Variants in IGF2R observed in about 807,000 individuals in gnomAD.
IGF2R encodes the protein insulin like growth factor 2 receptor.
Under a neutral mutation model 270.6 loss-of-function variants are expected in IGF2R, and 91 were observed. That is an observed-to-expected ratio of 0.34 (90% CI 0.28 to 0.40). The LOEUF (loss-of-function observed/expected upper bound fraction) is 0.40. Ranked by LOEUF, IGF2R falls within the 10% of genes least tolerant of loss-of-function variation. The pLI is 1.00. For synonymous variants in IGF2R, 1,316 were observed against 1,258.9 expected (o/e 1.05, Z -0.96); for missense variants, 2,805 against 3,188.3 (o/e 0.88, Z 2.90).
In IGF2R at chr6:160,038,912, G is replaced by A. The variant is rs556780035; in HGVS notation, c.1316-1648G>A. Among the ~76,000 whole-genome samples the A allele has an allele frequency of 5.3e-5, 8 of 152,332 alleles. No individual in the cohort carries two copies. In the South Asian group the frequency reaches 1.7e-3, roughly 32 times the overall value. ...TTGCCTTGTGGTTATGAGCACGGATGAGGGCAGACCCTCAGGGTCTGATTC... is the reference window on the plus strand; with the variant it reads ...TTGCCTTGTGGTTATGAGCACGGATAAGGGCAGACCCTCAGGGTCTGATTC... On this transcript the variant is annotated intron_variant, in intron 10 of 47. Coordinates refer to ENST00000356956, the MANE Select transcript of IGF2R (RefSeq NM_000876.4).
At chr6:160,043,888 T>C (rs769812082) in intron 12 of IGF2R, among the ~76,000 whole-genome samples, 2 of 152,234 alleles carry the variant, frequency 1.3e-5, no homozygotes, top group African/African-American at 4.8e-5. Flanking sequence ...GTGAGCCTCG[T>C]TGGATTTTAG....
intron 28 of IGF2R, 92 bp downstream of exon 28, chr6:160,064,623 C>A: frequency 7.1e-7 from 1 of 1,407,666 alleles, no homozygotes; most frequent in Non-Finnish European, 9.9e-7. Flanking sequence ...CAGATCTCAT[C>A]AAATCTCCTG....
intron 29 of IGF2R, among the ~76,000 whole-genome samples, chr6:160,065,776 A>ATGTGTGTGTGTG (rs1366588708): frequency 9.1e-5 from 10 of 109,994 alleles, no homozygotes; most frequent in South Asian, 6.9e-4. Flanking sequence ...TCCTAGAGAT[A>ATGTGTGTGTGTG]TGTGTATGTG....
rs545357412 is a variant in IGF2R, at chr6:160,018,528, A to G, written c.514-6044A>G. Among the ~76,000 whole-genome samples the G allele has an allele frequency of 1.8e-4, 27 of 152,318 alleles. 1 individual carries two copies. Among genetic ancestry groups the G allele is most frequent in the Middle Eastern group, 3.4e-3 (1 of 294 alleles). ...CAGCCGCAGAACATATATTCTTCTC[A>G]TCAGTGCATGGAACGTTTTTCGAGA... On this transcript the variant is annotated intron_variant, in intron 4 of 47. Transcript: ENST00000356956.
chr6:159,975,742 TTA>T (rs201752009), intron 1 of IGF2R, among the ~76,000 whole-genome samples: 3,466 of 147,130 alleles, frequency 0.024, 123 homozygotes, highest in African/African-American at 0.081. Flanking sequence ...AGCATATTTA[TTA>T]TATATATATT....
intron 7 of IGF2R, among the ~76,000 whole-genome samples, chr6:160,031,802 T>A (rs1174351402): frequency 9.2e-5 from 14 of 152,220 alleles, no homozygotes; most frequent in Non-Finnish European, 2.1e-4. Flanking sequence ...TGAATGGTGC[T>A]GGGAAGCAGC....
intron 11 of IGF2R, among the ~76,000 whole-genome samples, chr6:160,042,149 G>A (rs1026071642): frequency 6.6e-6 from 1 of 152,182 alleles, no homozygotes; most frequent in African/African-American, 2.4e-5. Flanking sequence ...ATAGCCCTAA[G>A]TAAATTATGA....
intron 2 of IGF2R, among the ~76,000 whole-genome samples, chr6:160,008,205 G>A (rs1356675975): frequency 6.6e-6 from 1 of 152,158 alleles, no homozygotes. Flanking sequence ...GTTGATTTTT[G>A]TACCCAGTAC....
At chr6:160,093,008 C>T (rs567366367) in intron 44 of IGF2R, 1 of 152,416 alleles carries the variant, frequency 6.6e-6, no homozygotes, top group South Asian at 2.1e-4. Flanking sequence ...TCACAGAGCT[C>T]CCTGGAAGCA....
Position 160,029,713 on chromosome 6 carries a change from C to G in IGF2R, c.882+58C>G, listed in dbSNP as rs954420061. 4 of 1,261,352 alleles carry G rather than the reference C, an allele frequency of 3.2e-6. No individual in the cohort carries two copies. The African/African-American group carries it at 4.4e-5, about 14-fold the overall frequency. 78.1% of individuals were successfully genotyped at this position (1,261,352 alleles called of 1,614,324 possible). On this transcript the variant is annotated intron_variant, in intron 7 of 47. Coordinates refer to ENST00000356956, the MANE Select transcript of IGF2R (RefSeq NM_000876.4). ...CGCACAGTAGCCTGGGTTGCCCATG[C>G]GAACGCGTTTCTGGGCTTGGGGCAG...
chr6:160,019,308 CAAACA>C (rs757801022), intron 4 of IGF2R, among the ~76,000 whole-genome samples: 58 of 152,062 alleles, frequency 3.8e-4, no homozygotes, highest in African/African-American at 1.1e-3. Flanking sequence ...AAAAACAAAA[CAAACA>C]AAACAAAACA....
chr6:160,072,951 T>C, intron 33 of IGF2R, 67 bp downstream of exon 33: 3 of 1,537,606 alleles, frequency 2.0e-6, no homozygotes, highest in Non-Finnish European at 1.7e-6. Context: ...TCAGTCTCTT[T>C]GCATGCTAAT....
chr6:160,066,251 G>A (rs973923702), intron 29 of IGF2R, among the ~76,000 whole-genome samples: 2 of 151,704 alleles, frequency 1.3e-5, no homozygotes, highest in African/African-American at 2.4e-5. Context: ...TCTTGACCTC[G>A]TGATTCGCCC....
chr6:159,969,236 G>A lies in IGF2R; in HGVS notation c.-11G>A, dbSNP rs1042777811. On this transcript the variant is annotated 5_prime_UTR_variant, in exon 1 of 48. Coordinates refer to ENST00000356956, the MANE Select transcript of IGF2R (RefSeq NM_000876.4). ...AGCCTCGCGCCCGCCGCGCAGTCCG[G>A]GCCCGGCGCGATGGGGGCCGCCGCC... 6.0e-6 allele frequency: 6 copies of A among 1,004,516 alleles called. No individual in the cohort carries two copies. The African/African-American group carries it at 8.8e-5, about 15-fold the overall frequency. 62.2% of individuals were successfully genotyped at this position (1,004,516 alleles called of 1,614,324 possible).
intron 1 of IGF2R, among the ~76,000 whole-genome samples, chr6:159,975,057 A>G (rs1783667333): frequency 6.6e-6 from 1 of 152,072 alleles, no homozygotes; most frequent in Admixed American, 6.5e-5. Context: ...GGCCAATTCA[A>G]TTCCTGACCC....
chr6:160,034,724 A>G (rs1442829214), intron 10 of IGF2R, among the ~76,000 whole-genome samples: 2 of 152,142 alleles, frequency 1.3e-5, no homozygotes, highest in Admixed American at 6.5e-5. Flanking sequence ...GTGGACACAC[A>G]CACATCCTGT....
intron 10 of IGF2R, among the ~76,000 whole-genome samples, chr6:160,034,940 C>T (rs760944356): frequency 7.2e-5 from 11 of 152,028 alleles, no homozygotes; most frequent in Non-Finnish European, 1.6e-4. Context: ...AAAGTGGTGA[C>T]CCTATGGTAG....
intron 9 of IGF2R, 85 bp downstream of exon 9, chr6:160,033,192 AGTGG>A: frequency 1.1e-6 from 1 of 924,754 alleles, no homozygotes; most frequent in Non-Finnish European, 1.7e-6. Flanking sequence ...GCTAGACTGC[AGTGG>A]TGCAATCTCG....
chr6:160,065,478 AATC>A (rs1778549407), intron 29 of IGF2R, among the ~76,000 whole-genome samples: 1 of 152,178 alleles, frequency 6.6e-6, no homozygotes, highest in African/African-American at 2.4e-5. Flanking sequence ...ATGTAGGTGA[AATC>A]ATCATTTAAG....
Sources: allele counts gnomAD v4.1 joint callset (sites outside exome capture counted in the v4.1 genomes callset), GRCh38; gene constraint gnomAD v4.1.1; transcripts MANE v1.5; gene names NCBI Gene and HGNC (gene_info 2026-07-23, HGNC 2026-07-21).